MCF2L2: variants seen among roughly 807,000 people sequenced by gnomAD.
The protein encoded by MCF2L2 is MCF.2 cell line derived transforming sequence-like 2, also known as probable guanine nucleotide exchange factor MCF2L2.
Under a neutral mutation model 150.2 loss-of-function variants are expected in MCF2L2, and 102 were observed. That is an observed-to-expected ratio of 0.68 (90% CI 0.58 to 0.80). The LOEUF is 0.80. Ranked by LOEUF, MCF2L2 falls within the 30% of genes least tolerant of loss-of-function variation. MCF2L2 has a pLI of 0.00. For synonymous variants in MCF2L2, 465 were observed against 491.3 expected, an observed-to-expected ratio of 0.95 and a Z score of 0.71; for missense variants, 1,256 against 1,372.8, an observed-to-expected ratio of 0.91 and a Z score of 1.34.
intron 1 of MCF2L2, among the ~76,000 whole-genome samples, chr3:183,394,821 A>C (rs772703147): frequency 3.9e-5 from 6 of 152,218 alleles, no homozygotes; most frequent in Non-Finnish European, 7.3e-5. Context: ...AGATTCTAAT[A>C]CACAATGCTG....
chr3:183,309,276 TTC>T (rs1222714861), intron 10 of MCF2L2, among the ~76,000 whole-genome samples: 1 of 142,820 alleles, frequency 7.0e-6, no homozygotes, highest in Admixed American at 7.0e-5. Flanking sequence ...GTTTTTTTTT[TTC>T]TGGTTTCTCC....
intron 6 of MCF2L2, among the ~76,000 whole-genome samples, chr3:183,322,868 A>C (rs1004694609): frequency 6.6e-6 from 1 of 152,112 alleles, no homozygotes; most frequent in African/African-American, 2.4e-5. Context: ...ATATGTATGT[A>C]CGTTAGAATC....
chr3:183,422,582 T>C (rs938840560), intron 1 of MCF2L2, among the ~76,000 whole-genome samples: 1 of 152,118 alleles, frequency 6.6e-6, no homozygotes, highest in South Asian at 2.1e-4. Flanking sequence ...TCCAGGAACT[T>C]GGCCTCAGCA....
Position 183,214,768 on chromosome 3 carries a change from C to T in MCF2L2, c.2496+1201G>A, listed in dbSNP as rs373386972. Among the ~76,000 whole-genome samples the T allele has an allele frequency of 1.9e-3, 279 of 150,778 alleles. 2 individuals carry two copies. The highest frequency in any genetic ancestry group is 6.3e-3 in the African/African-American group (257 of 41,002). On this transcript the variant is annotated intron_variant, in intron 22 of 29. Transcript: ENST00000328913. ...TTGGGAGGCGGAGATGGGTGGATCA[C>T]GAGGTCAGGAGTTCGAGACCAGCCT...
chr3:183,398,490 T>C (rs1314877421), intron 1 of MCF2L2, among the ~76,000 whole-genome samples: 1 of 151,708 alleles, frequency 6.6e-6, no homozygotes, highest in Non-Finnish European at 1.5e-5. Flanking sequence ...TACTCTAACT[T>C]AGAGGAATTC....
Position 183,366,595 on chromosome 3 carries a change from G to A in MCF2L2, c.275+12702C>T, listed in dbSNP as rs543795954. ...AGCGGGGCAAAGGCTGCAGTGAGCC[G>A]AGATCGCACCACTGCACTCCAGCCT... On this transcript the variant is annotated intron_variant, in intron 3 of 29. Coordinates refer to ENST00000328913, the MANE Select transcript of MCF2L2 (RefSeq NM_015078.4). Among the ~76,000 whole-genome samples the A allele has an allele frequency of 4.8e-4, 73 of 152,128 alleles. 1 individual carries two copies. The South Asian group carries it at 0.013, about 28-fold the overall frequency.
At chr3:183,208,225 A>G (rs1219101504) in intron 22 of MCF2L2, among the ~76,000 whole-genome samples, 5 of 152,202 alleles carry the variant, frequency 3.3e-5, no homozygotes, top group African/African-American at 1.2e-4. Context: ...TAGAGATAGA[A>G]TTTTGGCTGC....
intron 14 of MCF2L2, chr3:183,287,770 C>G (rs1465777786): frequency 6.6e-6 from 1 of 152,220 alleles, no homozygotes; most frequent in Non-Finnish European, 1.5e-5. Context: ...GCAGCTTTCT[C>G]TCTCTCTAAG....
chr3:183,230,360 C>T (rs150996718), intron 16 of MCF2L2, among the ~76,000 whole-genome samples: 2,044 of 152,236 alleles, frequency 0.013, 43 homozygotes, highest in African/African-American at 0.047. Context: ...GCGATCCACC[C>T]GCCTCGGCCT....
chr3:183,288,444 C>T (rs1302654702), intron 14 of MCF2L2, among the ~76,000 whole-genome samples: 1 of 151,212 alleles, frequency 6.6e-6, no homozygotes, highest in East Asian at 1.9e-4. Flanking sequence ...TGTGTGTGTG[C>T]ATGTGTGTGT....
chr3:183,352,546 C>T (rs778136959), intron 3 of MCF2L2, among the ~76,000 whole-genome samples: 36 of 152,230 alleles, frequency 2.4e-4, no homozygotes, highest in Non-Finnish European at 4.0e-4. Context: ...GGACTAAAGG[C>T]TGAGACTCTA....
chr3:183,287,425 G>A (rs1165341738), intron 14 of MCF2L2: 1 of 152,166 alleles, frequency 6.6e-6, no homozygotes, highest in East Asian at 1.9e-4. Context: ...ATGTGACACA[G>A]TCCTCACCTT....
chr3:183,217,007 C>G (rs1465363752), intron 21 of MCF2L2, among the ~76,000 whole-genome samples: 1 of 151,180 alleles, frequency 6.6e-6, no homozygotes, highest in Non-Finnish European at 1.5e-5. Context: ...AAAAAAAATA[C>G]CATATGGCCG....
At chr3:183,355,575 T>C (rs1008830125) in intron 3 of MCF2L2, among the ~76,000 whole-genome samples, 3 of 147,800 alleles carry the variant, frequency 2.0e-5, no homozygotes, top group East Asian at 2.0e-4. Flanking sequence ...GCCTCCCGAG[T>C]AGCTGGGACT....
intron 15 of MCF2L2, among the ~76,000 whole-genome samples, chr3:183,268,509 T>TGGGGG (rs58535820): frequency 6.7e-5 from 10 of 148,386 alleles, no homozygotes; most frequent in African/African-American, 2.5e-4. Context: ...GTGGAGAAAA[T>TGGGGG]GGGGGGGGCG....
At chr3:183,389,877 G>A in intron 1 of MCF2L2, 98 bp from the exon 2 acceptor site, 1 of 942,184 alleles carries the variant, frequency 1.1e-6, no homozygotes, top group East Asian at 2.5e-5. Flanking sequence ...TGGGAAATCT[G>A]GGACTTATCA....
At chr3:183,423,804 A>G (rs577786569) in intron 1 of MCF2L2, among the ~76,000 whole-genome samples, 59 of 151,914 alleles carry the variant, frequency 3.9e-4, no homozygotes, top group African/African-American at 1.4e-3. Context: ...ACGCCTGGCT[A>G]ATTTTGTATT....
intron 15 of MCF2L2, among the ~76,000 whole-genome samples, chr3:183,266,919 T>C (rs1388319112): frequency 1.3e-5 from 2 of 152,040 alleles, no homozygotes; most frequent in African/African-American, 4.8e-5. Context: ...CCCAAGAAGC[T>C]GGAATTACAG....
chr3:183,271,069 GTT>G (rs1205425183), intron 15 of MCF2L2: 1 of 791,944 alleles, frequency 1.3e-6, no homozygotes, highest in African/African-American at 1.8e-5. Context: ...CCATCAGAAT[GTT>G]TCTTTGATTC....
Sources: allele counts gnomAD v4.1 joint callset (sites outside exome capture counted in the v4.1 genomes callset), GRCh38; gene constraint gnomAD v4.1.1; transcripts MANE v1.5; gene names NCBI Gene and HGNC (gene_info 2026-07-23, HGNC 2026-07-21).